BAZ1B: variants seen among roughly 807,000 people sequenced by gnomAD.
BAZ1B encodes the protein tyrosine-protein kinase BAZ1B.
A neutral mutation model predicts 153.8 loss-of-function variants in BAZ1B; 22 were observed. That is an observed-to-expected ratio of 0.14 (90% CI 0.10 to 0.20). The LOEUF (loss-of-function observed/expected upper bound fraction) is 0.20, where lower values mean the gene tolerates loss of function less well. Ranked by LOEUF, BAZ1B falls within the 10% of genes least tolerant of loss-of-function variation. The probability of loss-of-function intolerance (pLI) is 1.00; values close to 1 mark genes in which losing one functional copy is unlikely to be tolerated. For synonymous variants in BAZ1B, 676 were observed against 633.4 expected, an observed-to-expected ratio of 1.07 and a Z score of -1.01; for missense variants, 1,325 against 1,799.3, an observed-to-expected ratio of 0.74 and a Z score of 4.77.
chr7:73,503,040 A>C (rs79604640), intron 3 of BAZ1B, among the ~76,000 whole-genome samples: 126 of 152,292 alleles, frequency 8.3e-4, no homozygotes, highest in Middle Eastern at 3.4e-3. Context: ...TTATCTCCTC[A>C]TTGGACTACT....
At chr7:73,460,180 C>T (rs1788345165) in intron 12 of BAZ1B, among the ~76,000 whole-genome samples, 1 of 140,468 alleles carries the variant, frequency 7.1e-6, no homozygotes, top group African/African-American at 2.6e-5. Flanking sequence ...CACAGCGAGA[C>T]TCCGTCTCAG....
intron 9 of BAZ1B, among the ~76,000 whole-genome samples, chr7:73,466,866 T>A (rs1788609129): frequency 6.6e-6 from 1 of 152,244 alleles, no homozygotes; most frequent in Non-Finnish European, 1.5e-5. Flanking sequence ...GACTTTAACA[T>A]AGATATATCT....
intron 7 of BAZ1B, among the ~76,000 whole-genome samples, chr7:73,473,546 C>G (rs935404333): frequency 6.6e-6 from 1 of 152,044 alleles, no homozygotes; most frequent in African/African-American, 2.4e-5. Flanking sequence ...GAGCGACGCT[C>G]TGTATCCAAA....
chr7:73,466,252 T>C lies in BAZ1B; in HGVS notation c.2972+44A>G, dbSNP rs556353718. On this transcript the variant is annotated intron_variant, in intron 10 of 19. Coordinates refer to ENST00000339594, the MANE Select transcript of BAZ1B (RefSeq NM_032408.4). ...TACTAAATACTTTCTTCCTTAACAA[T>C]TAAAAGGAAAAAGAAAGAGCAACCA... The C allele has an allele frequency of 1.1e-5, 16 of 1,404,914 alleles. No homozygotes were observed. The South Asian group carries it at 1.9e-4, about 17-fold the overall frequency. The allele number at this position is 1,404,914 out of a possible 1,614,324, so 87.0% of individuals were successfully genotyped here. A position where few individuals can be genotyped will look rare whatever the true frequency, so the allele number is the denominator to read the frequency against.
In BAZ1B at chr7:73,478,179, G is replaced by A. The variant is rs1358251986; in HGVS notation, c.1282C>T (p.Leu428=). 2 of 1,613,994 alleles carry A rather than the reference G, an allele frequency of 1.2e-6. No individual in the cohort carries two copies. Among genetic ancestry groups the A allele is most frequent in the Admixed American group, 1.7e-5 (1 of 59,974 alleles). Residue 428 remains leucine (L), a synonymous_variant, in exon 7 of 20, where the codon CTG becomes TTG. Coordinates refer to ENST00000339594, the MANE Select transcript of BAZ1B (RefSeq NM_032408.4). Reference sequence around the variant, plus strand: ...TTCATTTTGGTTTTAGGAGTCTTCAGTCCTTTTTTGGGAGATTTGGAATTC... The same window carrying A: ...TTCATTTTGGTTTTAGGAGTCTTCAATCCTTTTTTGGGAGATTTGGAATTC... ...TGNSKSPKKG[L]KTPKTKMKQM...
chr7:73,465,024 C>T lies in BAZ1B; in HGVS notation c.3071+415G>A, dbSNP rs149111626. Among the ~76,000 whole-genome samples, 5 of 152,194 alleles carry T rather than the reference C, an allele frequency of 3.3e-5. No homozygotes were observed. The East Asian group carries it at 7.7e-4, about 24-fold the overall frequency. On this transcript the variant is annotated intron_variant, in intron 11 of 19. Transcript: ENST00000339594. ...TGCCGGGATTACAGGTGTGAGCCAC[C>T]GCACAAGGCCTGGATATATACTAAC...
chr7:73,469,562 A>G lies in BAZ1B; in HGVS notation c.2821T>C (p.Cys941Arg), dbSNP rs1788718346. ...DSIDYRFNHH[C>R]KDHTVSGDED... ...TCACCAGAGACTGTGTGGTCTTTGC[A>G]GTGATGGTTGAATCGGTAGTCAATG... Residue 941 changes from cysteine (C) to arginine (R), a missense_variant, in exon 9 of 20, where the codon TGC becomes CGC. Coordinates refer to ENST00000339594, the MANE Select transcript of BAZ1B (RefSeq NM_032408.4). 2 of 1,614,216 alleles carry G rather than the reference A, an allele frequency of 1.2e-6. No homozygotes were observed. Among genetic ancestry groups the G allele is most frequent in the South Asian group, 1.1e-5 (1 of 91,090 alleles).
intron 1 of BAZ1B, among the ~76,000 whole-genome samples, chr7:73,516,666 T>C (rs2115610656): frequency 6.7e-6 from 1 of 148,900 alleles, no homozygotes; most frequent in African/African-American, 2.5e-5. Flanking sequence ...TCCCAGCTAC[T>C]TGGGAGGCTG....
At chr7:73,508,695 A>T (rs1411886744) in intron 2 of BAZ1B, among the ~76,000 whole-genome samples, 2 of 152,120 alleles carry the variant, frequency 1.3e-5, no homozygotes, top group African/African-American at 2.4e-5. Flanking sequence ...ACAGGCATGC[A>T]CCACTGCACC....
intron 12 of BAZ1B, among the ~76,000 whole-genome samples, chr7:73,461,231 C>A (rs1313864504): frequency 6.6e-6 from 1 of 152,150 alleles, no homozygotes; most frequent in African/African-American, 2.4e-5. Context: ...CCACCTTGGC[C>A]TCCTAAAGTG....
chr7:73,514,398 T>C (rs1790707507), intron 1 of BAZ1B, among the ~76,000 whole-genome samples: 1 of 152,000 alleles, frequency 6.6e-6, no homozygotes, highest in Non-Finnish European at 1.5e-5. Context: ...CCAGGCGTGG[T>C]GGCGTGCGGC....
intron 7 of BAZ1B, 125 bp from the exon 8 acceptor site, chr7:73,470,608 C>T: frequency 8.8e-7 from 1 of 1,141,432 alleles, no homozygotes; most frequent in Non-Finnish European, 1.2e-6. Flanking sequence ...TTTGCTTTCT[C>T]TAATTCTAAT....
chr7:73,485,642 AGAG>A (rs1471358094), intron 6 of BAZ1B, among the ~76,000 whole-genome samples: 1 of 149,874 alleles, frequency 6.7e-6, no homozygotes, highest in Non-Finnish European at 1.5e-5. Flanking sequence ...AAAAAAAAAA[AGAG>A]AGAGAGAATG....
intron 7 of BAZ1B, among the ~76,000 whole-genome samples, chr7:73,475,355 C>T (rs969919374): frequency 5.9e-5 from 9 of 152,000 alleles, no homozygotes; most frequent in South Asian, 4.1e-4. Flanking sequence ...AGAAACAAAA[C>T]GTGGTATATC....
intron 1 of BAZ1B, among the ~76,000 whole-genome samples, chr7:73,515,069 C>T (rs1790742461): frequency 6.6e-6 from 1 of 151,884 alleles, no homozygotes; most frequent in Non-Finnish European, 1.5e-5. Flanking sequence ...GAGAATCTGT[C>T]TCAAAAAAAA....
chr7:73,492,214 G>A (rs185478224), intron 5 of BAZ1B, among the ~76,000 whole-genome samples: 6 of 152,124 alleles, frequency 3.9e-5, no homozygotes, highest in African/African-American at 1.2e-4. Flanking sequence ...CCAGGCTGGA[G>A]TGCAGTGGCG....
chr7:73,453,371 C>T (rs576238108), intron 13 of BAZ1B, among the ~76,000 whole-genome samples: 21 of 152,370 alleles, frequency 1.4e-4, no homozygotes, highest in African/African-American at 4.8e-4. Flanking sequence ...CAAGTCTCAT[C>T]TGACAAACTA....
At chr7:73,500,890 T>TAAAA (rs1207744313) in intron 3 of BAZ1B, among the ~76,000 whole-genome samples, 1 of 105,270 alleles carries the variant, frequency 9.5e-6, no homozygotes, top group Admixed American at 9.9e-5. Flanking sequence ...ACTCTGTTTA[T>TAAAA]AAAAAAAAAA....
intron 3 of BAZ1B, among the ~76,000 whole-genome samples, chr7:73,499,678 G>A (rs1402991041): frequency 3.3e-5 from 5 of 152,230 alleles, no homozygotes; most frequent in African/African-American, 1.2e-4. Context: ...CTCCGGCCTA[G>A]GTGACAGGGT....
Sources: gnomAD v4.1 joint callset for allele counts (sites outside exome capture counted in the v4.1 genomes callset) on GRCh38, gnomAD v4.1.1 for gene constraint, MANE v1.5 for transcripts, NCBI Gene and HGNC (gene_info 2026-07-23, HGNC 2026-07-21) for gene names.